Variants in FAM120C observed in about 807,000 individuals in gnomAD.
FAM120C encodes the protein family with sequence similarity 120 member C, also known as constitutive coactivator of PPAR-gamma-like protein 2.
A neutral mutation model predicts 71.2 loss-of-function variants in FAM120C; 14 were observed. The ratio of observed to expected loss-of-function variants is 0.20; its 90% CI spans 0.13 to 0.31. FAM120C has a LOEUF of 0.31. Ranked by LOEUF, FAM120C falls within the 10% of genes least tolerant of loss-of-function variation. The pLI is 1.00. For missense variants in FAM120C, 500 were observed against 879.0 expected (o/e 0.57, Z 5.45); for synonymous variants, 354 against 353.2 (o/e 1.00, Z -0.03).
chrX:54,148,776 A>G (rs1360262877), intron 4 of FAM120C, among the ~76,000 whole-genome samples: 1 of 112,119 alleles, frequency 8.9e-6, no homozygotes, highest in Non-Finnish European at 1.9e-5. Context: ...GCTACAGTTA[A>G]TAACAACGTA....
chrX:54,155,745 T>C (rs1203912672), intron 3 of FAM120C, among the ~76,000 whole-genome samples: 1 of 110,215 alleles, frequency 9.1e-6, no homozygotes, highest in Admixed American at 9.8e-5. Flanking sequence ...AAGAGGAAAA[T>C]TGATGATGCA....
intron 15 of FAM120C, among the ~76,000 whole-genome samples, chrX:54,075,065 G>C (rs781938325): frequency 1.8e-5 from 2 of 111,595 alleles, no homozygotes; most frequent in South Asian, 7.5e-4. Flanking sequence ...GGTTGAGGTG[G>C]GAGGATCGCT....
chrX:54,154,745 C>T (rs1701663004), intron 3 of FAM120C, among the ~76,000 whole-genome samples: 1 of 111,132 alleles, frequency 9.0e-6, no homozygotes, highest in Admixed American at 9.6e-5. Flanking sequence ...TTTGAGATAC[C>T]TATTGGATAT....
chrX:54,083,433 CCACACACACACACACA>C (rs781964795), intron 13 of FAM120C, among the ~76,000 whole-genome samples: 139 of 78,931 alleles, frequency 1.8e-3, no homozygotes, highest in African/African-American at 6.2e-3. Context: ...GACCCCATCT[CCACACACACACACACA>C]CACACACACA....
At position 54,159,258 on chromosome X, in the gene FAM120C, G is replaced by C. The variant is rs141386951; in HGVS notation, c.946+112C>G. 3,398 of 980,828 alleles carry C rather than the reference G, an allele frequency of 3.5e-3. 56 individuals carry two copies. In the African/African-American group the frequency reaches 0.059, roughly 17 times the overall value. 80.8% of individuals were successfully genotyped at this position (980,828 alleles called of 1,213,427 possible). A position where few individuals can be genotyped will look rare whatever the true frequency, so the allele number is the denominator to read the frequency against. The stretch of plus-strand genomic sequence containing the variant: ...TCTCCCCAGCAGTGTTTAGCGTGAA[G>C]ACTTTAAGAAGACAAATCTAATGAT... On this transcript the variant is annotated intron_variant, in intron 2 of 15. Coordinates refer to ENST00000375180, the MANE Select transcript of FAM120C (RefSeq NM_017848.6).
At chrX:54,157,024 G>A (rs782711418) in intron 3 of FAM120C, among the ~76,000 whole-genome samples, 7 of 109,556 alleles carry the variant, frequency 6.4e-5, no homozygotes, top group African/African-American at 2.3e-4. Flanking sequence ...ATTCCAACCT[G>A]GACAACAGAG....
At chrX:54,135,708 G>A in intron 5 of FAM120C, 104 bp from the exon 6 acceptor site, 1 of 600,473 alleles carries the variant, frequency 1.7e-6, no homozygotes, top group Non-Finnish European at 2.6e-6. Context: ...TAATAAATAA[G>A]TTACAATTTA....
intron 9 of FAM120C, among the ~76,000 whole-genome samples, chrX:54,119,576 T>G (rs1468665809): frequency 3.7e-4 from 1 of 2,700 alleles, no homozygotes; most frequent in Non-Finnish European, 7.8e-4. Context: ...GTTTTTTTCT[T>G]GTAAATTTGT....
intron 4 of FAM120C, among the ~76,000 whole-genome samples, chrX:54,144,106 C>T (rs1221346839): frequency 3.6e-5 from 4 of 111,648 alleles, no homozygotes; most frequent in African/African-American, 9.7e-5. Context: ...TTCAACAAAA[C>T]TCAACAGCCC....
chrX:54,180,786 G>A lies in FAM120C; in HGVS notation c.699+1714C>T, dbSNP rs187277062. On this transcript the variant is annotated intron_variant, in intron 1 of 15. Transcript: ENST00000375180. ...AAACAGGGATAATACTGCTTTCATA[G>A]GTTATTGCGAGGATGATGAGGTAAT... Among the ~76,000 whole-genome samples the A allele has an allele frequency of 3.0e-4, 33 of 111,521 alleles. 1 individual carries two copies. Among genetic ancestry groups the A allele is most frequent in the African/African-American group, 1.1e-3 (33 of 30,605 alleles).
At position 54,071,394 on chromosome X, in the gene FAM120C, C is replaced by A. The variant is rs1198566791; in HGVS notation, c.*1639G>T. 8.9e-6 allele frequency: 1 copy of A among 112,798 alleles called. No homozygotes were observed. Among genetic ancestry groups the A allele is most frequent in the Non-Finnish European group, 1.9e-5 (1 of 53,311 alleles). 9.3% of individuals were successfully genotyped at this position (112,798 alleles called of 1,213,427 possible). On this transcript the variant is annotated 3_prime_UTR_variant, in exon 16 of 16. Transcript: ENST00000375180. Reference sequence around the variant, plus strand: ...TCCTTGCAAAGCAAATGAAAAGATCCAGTAGTCAGAATGTCAATGAACAAA... The same window carrying A: ...TCCTTGCAAAGCAAATGAAAAGATCAAGTAGTCAGAATGTCAATGAACAAA...
chrX:54,135,542 C>A lies in FAM120C; in HGVS notation c.1321G>T (p.Ala441Ser). 1 of 1,209,963 alleles carries A rather than the reference C, an allele frequency of 8.3e-7. No homozygotes were observed. Among genetic ancestry groups the A allele is most frequent in the Admixed American group, 2.2e-5 (1 of 45,869 alleles). ...AGGATGCTTACCATTGGCTTTCCAG[C>A]AGAAATGGTGCCCACTTGATTTCGT... ...LPRNQVGTIS[A>S]GKPMFSHQVP... The change falls in exon 6 of 16, where the codon GCT (alanine) becomes TCT (serine). Residue 441 changes from alanine to serine, a missense_variant. By Grantham distance (99) the Ala-to-Ser change is moderately conservative. This residue lies in a region of FAM120C where 55 missense variants were observed against 96.7 expected (regional missense o/e 0.57). Transcript: ENST00000375180.
At chrX:54,133,633 G>C in intron 8 of FAM120C, 140 bp downstream of exon 8, 1 of 647,484 alleles carries the variant, frequency 1.5e-6, no homozygotes, top group Non-Finnish European at 2.3e-6. Context: ...GCCTTAGTAG[G>C]ATGAGGGGCC....
chrX:54,075,119 T>C (rs782390598), intron 15 of FAM120C, among the ~76,000 whole-genome samples: 5 of 111,702 alleles, frequency 4.5e-5, no homozygotes, highest in Non-Finnish European at 9.4e-5. Context: ...GATTGCACCA[T>C]TGCATTCCAG....
intron 3 of FAM120C, among the ~76,000 whole-genome samples, chrX:54,155,214 A>C (rs1381649931): frequency 1.3e-4 from 14 of 111,536 alleles, no homozygotes; most frequent in Admixed American, 1.3e-3. Context: ...AAAAACAAAC[A>C]AACAAACAAA....
intron 2 of FAM120C, among the ~76,000 whole-genome samples, 196 bp from the exon 3 acceptor site, chrX:54,157,967 A>G (rs1046723796): frequency 1.8e-5 from 2 of 112,103 alleles, no homozygotes; most frequent in Admixed American, 9.5e-5. Flanking sequence ...TATAATGCCT[A>G]TGGATGGTAG....
At chrX:54,144,028 C>G (rs782628453) in intron 4 of FAM120C, among the ~76,000 whole-genome samples, 1 of 111,756 alleles carries the variant, frequency 8.9e-6, no homozygotes, top group African/African-American at 3.2e-5. Flanking sequence ...TCAATAAACG[C>G]AATCCATCAT....
At chrX:54,133,321 AAAAATAAAAC>A (rs782681313) in intron 8 of FAM120C, among the ~76,000 whole-genome samples, 1,591 of 112,208 alleles carry the variant, frequency 0.014, 13 homozygotes, top group South Asian at 0.035. Flanking sequence ...CTCTGTCTCA[AAAAATAAAAC>A]AAAATAAAAT....
intron 1 of FAM120C, among the ~76,000 whole-genome samples, chrX:54,172,298 T>C (rs191247074): frequency 8.9e-6 from 1 of 112,384 alleles, no homozygotes; most frequent in Non-Finnish European, 1.9e-5. Context: ...TCAACCTCCA[T>C]GTCATAGGGC....
Sources: gnomAD v4.1 joint callset for allele counts (sites outside exome capture counted in the v4.1 genomes callset) on GRCh38, gnomAD v4.1.1 for gene constraint, gnomAD v4.1.1 regional missense constraint, MANE v1.5 for transcripts, NCBI Gene and HGNC (gene_info 2026-07-23, HGNC 2026-07-21) for gene names.